PAQR5: variants seen among roughly 807,000 people sequenced by gnomAD.
The protein encoded by PAQR5 is membrane progestin receptor gamma.
In PAQR5, 20 loss-of-function variants were observed where a neutral mutation model predicts 34.5. The observed-to-expected ratio is 0.58, with a 90% CI of 0.41 to 0.84. The LOEUF (loss-of-function observed/expected upper bound fraction) is 0.84, where lower values mean the gene tolerates loss of function less well. Among genes scored for constraint, PAQR5 ranks in the 40% least tolerant of loss-of-function variants. The pLI, the probability that PAQR5 is intolerant of heterozygous loss-of-function variation, is 0.00. For missense variants in PAQR5, 378 were observed against 412.7 expected (o/e 0.92, Z 0.73); for synonymous variants, 131 against 155.6 (o/e 0.84, Z 1.18).
intron 3 of PAQR5, among the ~76,000 whole-genome samples, chr15:69,374,703 C>T (rs1364432140): frequency 6.6e-6 from 1 of 152,036 alleles, no homozygotes; most frequent in Non-Finnish European, 1.5e-5. Flanking sequence ...ATTGCTGCAT[C>T]AATGCATGGC....
chr15:69,308,179 G>A (rs1489873695), intron 1 of PAQR5, among the ~76,000 whole-genome samples: 1 of 152,130 alleles, frequency 6.6e-6, no homozygotes, highest in Non-Finnish European at 1.5e-5. Context: ...CCCTGCCCTG[G>A]GCATGTCATA....
Position 69,389,789 on chromosome 15 carries a change from C to A in PAQR5, c.512+9C>A. ...CTCTCCTGCTACTCCAGGTACTGGT[C>A]GCTCTGACCTCAGATGGGAGGGGAG... On this transcript the variant is annotated intron_variant, in intron 6 of 8. Coordinates refer to ENST00000395407, the MANE Select transcript of PAQR5 (RefSeq NM_017705.4). 1.2e-6 allele frequency: 2 copies of A among 1,613,790 alleles called. No individual in the cohort carries two copies. Among genetic ancestry groups the A allele is most frequent in the South Asian group, 2.2e-5 (2 of 90,992 alleles).
At chr15:69,380,050 A>T in intron 4 of PAQR5, 40 bp downstream of exon 4, 1 of 1,607,918 alleles carries the variant, frequency 6.2e-7, no homozygotes, top group Non-Finnish European at 8.5e-7. Flanking sequence ...CTCCTTCAGG[A>T]GCCCTGGAGA....
rs181023071 is a variant in PAQR5 at position 69,320,960 on chromosome 15, G to A, written c.-276-16381G>A. Among the ~76,000 whole-genome samples, 28 of 152,230 alleles carry A rather than the reference G, an allele frequency of 1.8e-4. No homozygotes were observed. In the East Asian group the frequency reaches 4.1e-3, roughly 22 times the overall value. On this transcript the variant is annotated intron_variant, in intron 1 of 8. Coordinates refer to ENST00000395407, the MANE Select transcript of PAQR5 (RefSeq NM_017705.4). ...TGTGTGATATCTTCGAATATTTTCC[G>A]CCGACAAGGCCTTTTGGCTTTTTTT... is the stretch of plus-strand genomic sequence containing the variant.
chr15:69,368,117 T>C (rs906000445), intron 3 of PAQR5, among the ~76,000 whole-genome samples: 3 of 152,034 alleles, frequency 2.0e-5, no homozygotes, highest in African/African-American at 7.2e-5. Flanking sequence ...GCAGTGGCAC[T>C]ATCTTGGCTC....
At chr15:69,322,530 G>T (rs2054121114) in intron 1 of PAQR5, among the ~76,000 whole-genome samples, 1 of 145,908 alleles carries the variant, frequency 6.9e-6, no homozygotes, top group South Asian at 2.2e-4. Context: ...GTGTGCGTGT[G>T]GTCCAAGCTA....
intron 3 of PAQR5, among the ~76,000 whole-genome samples, chr15:69,371,142 T>C (rs1341100563): frequency 1.3e-5 from 2 of 152,000 alleles, no homozygotes; most frequent in African/African-American, 2.4e-5. Flanking sequence ...GTCATTGTAG[T>C]TCTTAGTTTT....
intron 3 of PAQR5, among the ~76,000 whole-genome samples, chr15:69,360,465 G>T (rs769525654): frequency 2.6e-5 from 4 of 152,198 alleles, no homozygotes; most frequent in Non-Finnish European, 4.4e-5. Flanking sequence ...CCCCTCCTAT[G>T]GGTGCTTGAA....
At chr15:69,323,000 G>C (rs573622902) in intron 1 of PAQR5, among the ~76,000 whole-genome samples, 1 of 140,452 alleles carries the variant, frequency 7.1e-6, no homozygotes, top group South Asian at 2.2e-4. Context: ...CTGGTGGGAG[G>C]TGGGGCTGGG....
intron 1 of PAQR5, among the ~76,000 whole-genome samples, chr15:69,300,502 C>T (rs2053509121): frequency 6.6e-6 from 1 of 152,110 alleles, no homozygotes; most frequent in South Asian, 2.1e-4. Context: ...GGCACCCTTA[C>T]CCACGTGGGG....
intron 5 of PAQR5, among the ~76,000 whole-genome samples, chr15:69,388,178 C>T (rs1300861290): frequency 1.3e-5 from 2 of 152,188 alleles, no homozygotes; most frequent in South Asian, 2.1e-4. Flanking sequence ...ACCAGTGTAG[C>T]GCCCTCCTGC....
Position 69,406,235 on chromosome 15 carries a change from G to A in PAQR5, c.*2413G>A, listed in dbSNP as rs1055774002. 6.6e-6 allele frequency: 1 copy of A among 152,066 alleles called. No homozygotes were observed. Among genetic ancestry groups the A allele is most frequent in the Non-Finnish European group, 1.5e-5 (1 of 68,018 alleles). The allele number at this position is 152,066 out of a possible 1,614,324, so 9.4% of individuals were successfully genotyped here. ...GTGGGGAGGGTGGCACATTCCTAAT[G>A]GGATGTACCTCTCCCCACTCCCCTT... On this transcript the variant is annotated 3_prime_UTR_variant, in exon 9 of 9. Transcript: ENST00000395407.
At chr15:69,333,267 A>G (rs1372961998) in intron 1 of PAQR5, among the ~76,000 whole-genome samples, 1 of 152,226 alleles carries the variant, frequency 6.6e-6, no homozygotes, top group Non-Finnish European at 1.5e-5. Context: ...TTCCTCATGA[A>G]ACCCCAGGAA....
intron 4 of PAQR5, chr15:69,382,758 ATG>A (rs1446379741): frequency 1.5e-5 from 2 of 137,628 alleles, no homozygotes; most frequent in African/African-American, 5.6e-5. Context: ...GTGTATATAT[ATG>A]TGTATATATA....
chr15:69,300,881 CTTTCTTTCTTT>C lies in PAQR5; in HGVS notation c.-277+1826_-277+1836del, dbSNP rs1566986378. Among the ~76,000 whole-genome samples the C allele has an allele frequency of 7.6e-4, 22 of 28,896 alleles. 5 individuals carry two copies. The highest frequency in any genetic ancestry group is 3.4e-3 in the South Asian group (2 of 596). The allele number at this position is 28,896 out of a possible 152,430, so 19.0% of individuals were successfully genotyped here. A position where few individuals can be genotyped will look rare whatever the true frequency, so the allele number is the denominator to read the frequency against. On this transcript the variant is annotated intron_variant, in intron 1 of 8. Transcript: ENST00000395407. ...TCTTTCTTTCTTTCTTTCTTTCTTTCTTTCTTTCTTTCTTCCTTCCTTCCTTCCTTCCTTTC... is the reference window on the plus strand; with the variant it reads ...TCTTTCTTTCTTTCTTTCTTTCTTTCCTTCCTTCCTTCCTTCCTTCCTTTC...
chr15:69,300,160 G>A (rs111662235), intron 1 of PAQR5, among the ~76,000 whole-genome samples: 6 of 152,048 alleles, frequency 3.9e-5, no homozygotes, highest in African/African-American at 1.4e-4. Flanking sequence ...ACCCCCCTAG[G>A]TTCTGCCTGT....
Position 69,407,216 on chromosome 15 carries a change from A to C in PAQR5, c.*3394A>C, listed in dbSNP as rs1398383775. ...TAGTGTTGCAATCTTGGCTCACTGC[A>C]ACCTCTGCCTGACAGGCTTCAGTGA... On this transcript the variant is annotated 3_prime_UTR_variant, in exon 9 of 9. Coordinates refer to ENST00000395407, the MANE Select transcript of PAQR5 (RefSeq NM_017705.4). 1.3e-5 allele frequency: 2 copies of C among 152,172 alleles called. No homozygotes were observed. The highest frequency in any genetic ancestry group is 2.9e-5 in the Non-Finnish European group (2 of 68,036). The allele number at this position is 152,172 out of a possible 1,614,324, so 9.4% of individuals were successfully genotyped here. A position where few individuals can be genotyped will look rare whatever the true frequency, so the allele number is the denominator to read the frequency against.
intron 3 of PAQR5, among the ~76,000 whole-genome samples, chr15:69,378,680 GC>G (rs912346681): frequency 1.3e-5 from 2 of 151,986 alleles, no homozygotes; most frequent in African/African-American, 4.8e-5. Flanking sequence ...GTTATTATTT[GC>G]TTCAATTACC....
At chr15:69,346,587 G>C (rs1203667883) in intron 2 of PAQR5, among the ~76,000 whole-genome samples, 1 of 148,470 alleles carries the variant, frequency 6.7e-6, no homozygotes, top group African/African-American at 2.5e-5. Flanking sequence ...CACCTTTAAT[G>C]TATTATAAGC....
Sources: allele counts gnomAD v4.1 joint callset (sites outside exome capture counted in the v4.1 genomes callset), GRCh38; gene constraint gnomAD v4.1.1; transcripts MANE v1.5; gene names NCBI Gene and HGNC (gene_info 2026-07-23, HGNC 2026-07-21).